GGA2: variants seen among roughly 807,000 people sequenced by gnomAD.
GGA2 encodes the protein golgi associated, gamma adaptin ear containing, ARF binding protein 2.
Under a neutral mutation model 79.5 loss-of-function variants are expected in GGA2, and 48 were observed. The observed-to-expected ratio is 0.60, with a 90% CI of 0.48 to 0.77. The LOEUF (loss-of-function observed/expected upper bound fraction) is 0.77. Among genes scored for constraint, GGA2 ranks in the 30% least tolerant of loss-of-function variants. GGA2 has a pLI of 0.00. For missense variants in GGA2, 770 were observed against 774.0 expected (o/e 0.99, Z 0.06); for synonymous variants, 317 against 302.0 (o/e 1.05, Z -0.51).
chr16:23,495,574 G>C, intron 2 of GGA2, 120 bp downstream of exon 2: 1 of 510,214 alleles, frequency 2.0e-6, no homozygotes, highest in Non-Finnish European at 3.5e-6. Context: ...TGGGATTATA[G>C]GCATGAGCCA....
rs1237287923 is a variant in GGA2 at position 23,480,640 on chromosome 16, C to CA, written c.1006+4dup. On this transcript the variant is annotated splice_donor_region_variant and intron_variant, in intron 10 of 16. Transcript: ENST00000309859. ...GAGAAGGCAAGGAGAAGCTTTCAAA[C>CA]ATACCTCTGGAGACAGGGATGTCTC... 1 of 1,607,654 alleles carries CA rather than the reference C, an allele frequency of 6.2e-7. No homozygotes were observed. The highest frequency in any genetic ancestry group is 1.3e-5 in the African/African-American group (1 of 74,846).
rs1321077617 is a variant in GGA2 at position 23,488,963 on chromosome 16, G to A, written c.476-254C>T. The stretch of plus-strand genomic sequence containing the variant: ...AGCCAGTCCTGAAGGCCTGCAGTCT[G>A]TGGGCCTTATGCTGTAAAAGCATGG... On this transcript the variant is annotated intron_variant, in intron 5 of 16. Coordinates refer to ENST00000309859, the MANE Select transcript of GGA2 (RefSeq NM_015044.4). Among the ~76,000 whole-genome samples the A allele has an allele frequency of 2.6e-5, 4 of 152,184 alleles. No homozygotes were observed. The East Asian group carries it at 7.7e-4, about 29-fold the overall frequency.
At chr16:23,491,035 A>T (rs1315538831) in intron 5 of GGA2, among the ~76,000 whole-genome samples, 2 of 152,144 alleles carry the variant, frequency 1.3e-5, no homozygotes, top group Non-Finnish European at 2.9e-5. Context: ...CTCTACAAAA[A>T]ATACAAATAT....
At chr16:23,494,172 T>A in intron 3 of GGA2, 131 bp downstream of exon 3, 2 of 689,274 alleles carry the variant, frequency 2.9e-6, no homozygotes, top group South Asian at 3.3e-5. Flanking sequence ...TCCTCCAACC[T>A]GCTGTGAAGG....
At chr16:23,503,821 C>T (rs576977009) in intron 1 of GGA2, among the ~76,000 whole-genome samples, 3 of 152,238 alleles carry the variant, frequency 2.0e-5, no homozygotes, top group African/African-American at 7.2e-5. Context: ...GTGGCTCATG[C>T]CTGTAATCCC....
intron 15 of GGA2, among the ~76,000 whole-genome samples, chr16:23,469,768 AAGAGAT>A (rs1964486421): frequency 6.6e-6 from 1 of 152,214 alleles, no homozygotes; most frequent in Non-Finnish European, 1.5e-5. Flanking sequence ...AAGCAGAGTC[AAGAGAT>A]ACAGATTCTT....
chr16:23,513,457 G>A (rs1370692656), upstream of GGA2, among the ~76,000 whole-genome samples: 2 of 151,982 alleles, frequency 1.3e-5, no homozygotes, highest in Non-Finnish European at 2.9e-5. Flanking sequence ...TATTACTCCA[G>A]CCTTCCTTTA....
At chr16:23,469,082 C>A in intron 15 of GGA2, 86 bp from the exon 16 acceptor site, 1 of 820,800 alleles carries the variant, frequency 1.2e-6, no homozygotes, top group Non-Finnish European at 2.1e-6. Context: ...CTGGACCTCC[C>A]CAACACCCCT....
chr16:23,485,497 A>C (rs1964700405), intron 8 of GGA2, among the ~76,000 whole-genome samples: 1 of 152,216 alleles, frequency 6.6e-6, no homozygotes, highest in Non-Finnish European at 1.5e-5. Flanking sequence ...TATACTTAGC[A>C]TATGACCTAG....
chr16:23,509,089 T>C (rs761190741), intron 1 of GGA2, among the ~76,000 whole-genome samples: 2 of 152,126 alleles, frequency 1.3e-5, no homozygotes, highest in Non-Finnish European at 2.9e-5. Flanking sequence ...CTCCGCCCAA[T>C]TTAGCACCAT....
chr16:23,524,172 G>A (rs1965185074), upstream of GGA2: 1 of 611,800 alleles, frequency 1.6e-6, no homozygotes, highest in African/African-American at 1.8e-5. Context: ...GGTTAGATGG[G>A]TTGGGCTTCC....
chr16:23,474,361 CTT>C (rs758060139), intron 14 of GGA2, among the ~76,000 whole-genome samples: 5 of 145,830 alleles, frequency 3.4e-5, no homozygotes, highest in African/African-American at 5.0e-5. Flanking sequence ...AAGAAGCAAA[CTT>C]TTTTTTTTTT....
intron 14 of GGA2, among the ~76,000 whole-genome samples, chr16:23,473,330 CTTTTTTTTTTTT>C (rs34972165): frequency 5.7e-5 from 4 of 70,690 alleles, no homozygotes; most frequent in East Asian, 5.6e-4. Flanking sequence ...CTTTTCTAGT[CTTTTTTTTTTTT>C]TTTTTTTTTT....
intron 6 of GGA2, among the ~76,000 whole-genome samples, chr16:23,488,094 T>C (rs1471704819): frequency 6.6e-6 from 1 of 151,970 alleles, no homozygotes; most frequent in Non-Finnish European, 1.5e-5. Flanking sequence ...GGAAAATGGA[T>C]AGGGCCGGGC....
intron 2 of GGA2, among the ~76,000 whole-genome samples, chr16:23,494,767 T>C (rs1358276673): frequency 6.6e-6 from 1 of 152,150 alleles, no homozygotes; most frequent in African/African-American, 2.4e-5. Flanking sequence ...ACTGGCCAAA[T>C]ATGCGACACC....
intron 14 of GGA2, among the ~76,000 whole-genome samples, chr16:23,473,330 C>CTTTTTTTTTTTTTTT (rs34972165): frequency 4.2e-5 from 3 of 70,672 alleles, no homozygotes; most frequent in Non-Finnish European, 7.2e-5. Flanking sequence ...CTTTTCTAGT[C>CTTTTTTTTTTTTTTT]TTTTTTTTTT....
Position 23,510,358 on chromosome 16 carries a change from A to T in GGA2, c.54T>A (p.Gly18=). The T allele has an allele frequency of 7.0e-7, 1 of 1,428,334 alleles. No homozygotes were observed. Among genetic ancestry groups the T allele is most frequent in the Non-Finnish European group, 9.2e-7 (1 of 1,090,850 alleles). The allele number at this position is 1,428,334 out of a possible 1,614,324, so 88.5% of individuals were successfully genotyped here. The part of the protein sequence containing the change: ...AAVAGTESAQ[G]PPGPAASLEL... Reference sequence around the variant, plus strand: ...CCAGCGACGCTGCCGGGCCCGGGGGACCCTGGGCCGACTCGGTTCCCGCCA... The same window carrying T: ...CCAGCGACGCTGCCGGGCCCGGGGGTCCCTGGGCCGACTCGGTTCCCGCCA... Residue 18 remains glycine, a synonymous_variant, in exon 1 of 17, where the codon GGT becomes GGA. Transcript: ENST00000309859.
At chr16:23,473,762 C>G (rs905039899) in intron 14 of GGA2, among the ~76,000 whole-genome samples, 1 of 151,642 alleles carries the variant, frequency 6.6e-6, no homozygotes, top group Non-Finnish European at 1.5e-5. Flanking sequence ...TTCTATATAC[C>G]CTTCATGTAG....
chr16:23,497,719 G>A (rs1396454814), intron 1 of GGA2, among the ~76,000 whole-genome samples: 1 of 152,132 alleles, frequency 6.6e-6, no homozygotes, highest in East Asian at 1.9e-4. Context: ...TAAAACAAAA[G>A]CTGTCTCCTC....
Sources: gnomAD v4.1 joint callset for allele counts (sites outside exome capture counted in the v4.1 genomes callset) on GRCh38, gnomAD v4.1.1 for gene constraint, MANE v1.5 for transcripts, NCBI Gene and HGNC (gene_info 2026-07-23, HGNC 2026-07-21) for gene names.